MYO15A: variants seen among roughly 807,000 people sequenced by gnomAD.
MYO15A encodes the protein myosin XVA.
Under a neutral mutation model 394.6 loss-of-function variants are expected in MYO15A, and 308 were observed. That is an observed-to-expected ratio of 0.78 (90% CI 0.71 to 0.86). The LOEUF (loss-of-function observed/expected upper bound fraction) is 0.86, where lower values mean the gene tolerates loss of function less well. Ranked by LOEUF, MYO15A falls within the 40% of genes least tolerant of loss-of-function variation. The pLI is 0.00. For missense variants in MYO15A, 4,606 were observed against 4,799.1 expected, an observed-to-expected ratio of 0.96 and a Z score of 1.19; for synonymous variants, 1,957 against 2,003.8, an observed-to-expected ratio of 0.98 and a Z score of 0.62.
rs556857624 is a variant in MYO15A at position 18,126,408 on chromosome 17, C to T, written c.3818C>T (p.Pro1273Leu). 2.9e-5 allele frequency: 46 copies of T among 1,613,928 alleles called. No homozygotes were observed. The East Asian group carries it at 4.9e-4, about 17-fold the overall frequency. ...TACCAAATGTTTGGAATCTATGGGCCGGAGCAGGTGCAGCAGTACAACGGA... is the reference window on the plus strand; with the variant it reads ...TACCAAATGTTTGGAATCTATGGGCTGGAGCAGGTGCAGCAGTACAACGGA... Reference protein sequence around the residue: ...NPYQMFGIYGPEQVQQYNGRA... With the variant: ...NPYQMFGIYGLEQVQQYNGRA... Residue 1273 changes from proline to leucine, a missense_variant, in exon 5 of 66, where the codon CCG becomes CTG. This residue lies in a region of MYO15A where 2,776 missense variants were observed against 3,109.3 expected (regional missense o/e 0.89). Transcript: ENST00000647165.
At chr17:18,161,102 G>T in intron 56 of MYO15A, 1 of 706,642 alleles carries the variant, frequency 1.4e-6, no homozygotes, top group Non-Finnish European at 2.6e-6. Context: ...CCTACCTGGG[G>T]AAGATGTCTG....
At chr17:18,172,440 C>A in intron 64 of MYO15A, 150 bp downstream of exon 64, 1 of 1,198,988 alleles carries the variant, frequency 8.3e-7, no homozygotes, top group East Asian at 2.5e-5. Flanking sequence ...CTCCTCTGAG[C>A]CTTGCTTTCC....
intron 33 of MYO15A, 35 bp from the exon 34 acceptor site, chr17:18,149,180 TG>T: frequency 1.2e-6 from 2 of 1,612,940 alleles, no homozygotes; most frequent in Non-Finnish European, 1.7e-6. Flanking sequence ...GGGATCTCTC[TG>T]GGGGTCAGTA....
chr17:18,122,065 GC>G lies in MYO15A; in HGVS notation c.3270del (p.Leu1091TrpfsTer34). The G allele has an allele frequency of 3.1e-6, 5 of 1,612,850 alleles. No homozygotes were observed. Among genetic ancestry groups the G allele is most frequent in the Non-Finnish European group, 4.2e-6 (5 of 1,179,974 alleles). On this transcript the variant is annotated frameshift_variant, in exon 2 of 66. Coordinates refer to ENST00000647165, the MANE Select transcript of MYO15A (RefSeq NM_016239.4). LOFTEE classifies it high-confidence loss of function. The part of the protein sequence containing the change: ...HRWGTLPQAA[A>X]PLAPIRAPEP... The stretch of plus-strand genomic sequence containing the variant: ...CTGGGGAACACTGCCCCAAGCCGCA[GC>G]CCCCTTGGCGCCCATCAGGGCCCCA...
At position 18,143,557 on chromosome 17, in the gene MYO15A, C is replaced by T. The variant is rs1426070044; in HGVS notation, c.5911-9C>T. 1.9e-6 allele frequency: 3 copies of T among 1,554,320 alleles called. No individual in the cohort carries two copies. Among genetic ancestry groups the T allele is most frequent in the East Asian group, 2.4e-5 (1 of 41,408 alleles). ...GCCACTCCCCAACCTGACATCTTCTCTTCTGAAGCTGAGGGCAGAGTGGAG... is the reference window on the plus strand; with the variant it reads ...GCCACTCCCCAACCTGACATCTTCTTTTCTGAAGCTGAGGGCAGAGTGGAG... On this transcript the variant is annotated splice_polypyrimidine_tract_variant and intron_variant, in intron 25 of 65. Coordinates refer to ENST00000647165, the MANE Select transcript of MYO15A (RefSeq NM_016239.4).
In MYO15A at chr17:18,151,526, A is replaced by G. The variant is rs886052677; in HGVS notation, c.7786A>G (p.Arg2596Gly). ...CCGGGGAGGCCGGCCTGAGGCCCTCAGGTCAGCACTGCCCCTGCCCCCAGC... is the reference window on the plus strand; with the variant it reads ...CCGGGGAGGCCGGCCTGAGGCCCTCGGGTCAGCACTGCCCCTGCCCCCAGC... ...PFRGGRPEAL[R>G]KDGGKVFMKR... The change falls in exon 40 of 66, where the codon AGG becomes GGG. Residue 2596 changes from arginine (R) to glycine (G), a missense_variant and splice_region_variant. Arg to Gly is a moderately radical substitution (Grantham distance 125). This residue lies in a region of MYO15A where 2,776 missense variants were observed against 3,109.3 expected (regional missense o/e 0.89). Coordinates refer to ENST00000647165, the MANE Select transcript of MYO15A (RefSeq NM_016239.4). The G allele has an allele frequency of 3.1e-6, 5 of 1,613,942 alleles. No homozygotes were observed. The highest frequency in any genetic ancestry group is 4.2e-6 in the Non-Finnish European group (5 of 1,179,978).
rs377504192 is a variant in MYO15A at position 18,149,240 on chromosome 17, G to C, written c.6981G>C (p.Ser2327=). ...PKVVFGNSWD[S]DEDMSTRPQP... ...GGGTGTTTGGGAACAGCTGGGACTCGGATGAGGACATGTCCACTAGACCCC... is the reference window on the plus strand; with the variant it reads ...GGGTGTTTGGGAACAGCTGGGACTCCGATGAGGACATGTCCACTAGACCCC... The change falls in exon 34 of 66, where the codon TCG becomes TCC. Residue 2327 remains serine (S), a synonymous_variant. Coordinates refer to ENST00000647165, the MANE Select transcript of MYO15A (RefSeq NM_016239.4). 6 of 1,613,898 alleles carry C rather than the reference G, an allele frequency of 3.7e-6. No individual in the cohort carries two copies. The African/African-American group carries it at 8.0e-5, about 22-fold the overall frequency.
At position 18,162,639 on chromosome 17, in the gene MYO15A, G is replaced by T; in HGVS notation, c.9572G>T (p.Arg3191Leu). The T allele has an allele frequency of 6.2e-7, 1 of 1,614,046 alleles. No individual in the cohort carries two copies. The highest frequency in any genetic ancestry group is 1.1e-5 in the South Asian group (1 of 91,080). ...NLQKTLRFGGRLELPSSIELR... is the reference protein window; with the variant it reads ...NLQKTLRFGGLLELPSSIELR... The stretch of plus-strand genomic sequence containing the variant: ...CAGAAAACCTTGCGCTTCGGAGGTC[G>T]TCTGGAGCTCCCCAGCAGCATAGAG... The change falls in exon 58 of 66, where the codon CGT becomes CTT. Residue 3191 changes from arginine to leucine, a missense_variant. Physicochemically the swap from Arg to Leu is moderately radical, Grantham distance 102. Around this residue, in one of 2 missense-constraint regions of MYO15A, gnomAD observed 2,776 missense variants for 3,109.3 expected, o/e 0.89. Coordinates refer to ENST00000647165, the MANE Select transcript of MYO15A (RefSeq NM_016239.4).
rs756448115 is a variant in MYO15A, at chr17:18,127,145, A to C, written c.4012A>C (p.Lys1338Gln). The change falls in exon 7 of 66, where the codon AAA (lysine) becomes CAA (glutamine). Residue 1338 changes from lysine (K) to glutamine (Q), a missense_variant. Physicochemically the swap from Lys to Gln is moderately conservative, Grantham distance 53. Transcript: ENST00000647165. The part of the protein sequence containing the change: ...ILRYLAAMNQ[K>Q]REVMQQIKIL... ...GCGCTACCTGGCCGCCATGAACCAG[A>C]AACGGGAGGTCATGCAGCAGGTGAG... 9.3e-6 allele frequency: 15 copies of C among 1,613,730 alleles called. No individual in the cohort carries two copies. The South Asian group carries it at 1.5e-4, about 17-fold the overall frequency.
intron 8 of MYO15A, among the ~76,000 whole-genome samples, 185 bp downstream of exon 8, chr17:18,130,995 G>T (rs954485600): frequency 6.6e-6 from 1 of 151,972 alleles, no homozygotes; most frequent in Non-Finnish European, 1.5e-5. Flanking sequence ...GCTGTGGGGG[G>T]CCATGGAGGC....
In MYO15A at chr17:18,140,556, G is replaced by T; in HGVS notation, c.5251G>T (p.Ala1751Ser). Residue 1751 changes from alanine to serine, a missense_variant, in exon 20 of 66, where the codon GCC becomes TCC. Physicochemically the swap from Ala to Ser is moderately conservative, Grantham distance 99. This residue lies in a region of MYO15A where 2,776 missense variants were observed against 3,109.3 expected (regional missense o/e 0.89). Transcript: ENST00000647165. Reference protein sequence around the residue: ...HLFSSHAPQAAPQRLGKSSSV... With the variant: ...HLFSSHAPQASPQRLGKSSSV... ...CTTCTCCAGCCATGCCCCACAGGCTGCCCCTCAGCGCCTGGGCAAGAGCAG... is the reference window on the plus strand; with the variant it reads ...CTTCTCCAGCCATGCCCCACAGGCTTCCCCTCAGCGCCTGGGCAAGAGCAG... The T allele has an allele frequency of 6.2e-7, 1 of 1,613,638 alleles. No homozygotes were observed. Among genetic ancestry groups the T allele is most frequent in the Admixed American group, 1.7e-5 (1 of 60,032 alleles).
chr17:18,151,902 T>C lies in MYO15A; in HGVS notation c.7844T>C (p.Met2615Thr). 1 of 1,575,952 alleles carries C rather than the reference T, an allele frequency of 6.3e-7. No homozygotes were observed. Residue 2615 changes from methionine (M) to threonine (T), a missense_variant, in exon 41 of 66, where the codon ATG (methionine) becomes ACG (threonine). Physicochemically the swap from Met to Thr is moderately conservative, Grantham distance 81 (BLOSUM62 -1). Coordinates refer to ENST00000647165, the MANE Select transcript of MYO15A (RefSeq NM_016239.4). ...CCAGACCCTCATGAGGAGGCCCTGA[T>C]GATCCTGAAAGGGCAGATGACCCAC... ...KRPDPHEEAL[M>T]ILKGQMTHLA...
intron 2 of MYO15A, chr17:18,123,290 G>A (rs2045971941): frequency 6.6e-6 from 1 of 152,290 alleles, no homozygotes; most frequent in South Asian, 2.1e-4. Context: ...TGGCCCCGGC[G>A]GCGGATGCCC....
At position 18,119,306 on chromosome 17, in the gene MYO15A, C is replaced by T. The variant is rs767941041; in HGVS notation, c.506C>T (p.Ser169Phe). ...WLQRSSSRMG[S>F]RKLPFPSGAE... ...CAGCGCTCGAGCTCCCGCATGGGCT[C>T]CCGCAAACTCCCCTTCCCGTCGGGT... Residue 169 changes from serine (S) to phenylalanine (F), a missense_variant, in exon 2 of 66, where the codon TCC becomes TTC. Transcript: ENST00000647165. 3 of 1,610,916 alleles carry T rather than the reference C, an allele frequency of 1.9e-6. No homozygotes were observed. Among genetic ancestry groups the T allele is most frequent in the Admixed American group, 1.7e-5 (1 of 59,972 alleles).
chr17:18,157,717 C>T lies in MYO15A; in HGVS notation c.8789-5C>T. Reference sequence around the variant, plus strand: ...GTTTGCCTCAGACCTTTTACCCACCCCTAGGCTGGAGGTTCGGGACCATCC... The same window carrying T: ...GTTTGCCTCAGACCTTTTACCCACCTCTAGGCTGGAGGTTCGGGACCATCC... On this transcript the variant is annotated splice_polypyrimidine_tract_variant and splice_region_variant and intron_variant, in intron 50 of 65. Transcript: ENST00000647165. The T allele has an allele frequency of 6.2e-7, 1 of 1,605,458 alleles. No homozygotes were observed. The highest frequency in any genetic ancestry group is 1.1e-5 in the South Asian group (1 of 91,076).
chr17:18,143,632 C>G lies in MYO15A; in HGVS notation c.5964+13C>G. 1 of 1,567,594 alleles carries G rather than the reference C, an allele frequency of 6.4e-7. No individual in the cohort carries two copies. The highest frequency in any genetic ancestry group is 8.7e-7 in the Non-Finnish European group (1 of 1,155,818). On this transcript the variant is annotated intron_variant, in intron 26 of 65. Transcript: ENST00000647165. ...GTGGGAGCAGGAGGTGGGTGTGGGT[C>G]TGGGTGGCAGCAGGGCCAAGGAGGG... is the stretch of plus-strand genomic sequence containing the variant.
chr17:18,145,294 T>C (rs854776), intron 29 of MYO15A, among the ~76,000 whole-genome samples: 86,683 of 151,622 alleles, frequency 0.57, 25,750 homozygotes, highest in Middle Eastern at 0.62. Context: ...GGGCCAGGGG[T>C]GCAGGGAGGG....
At chr17:18,111,239 G>T (rs183469232) in intron 1 of MYO15A, among the ~76,000 whole-genome samples, 84 of 151,720 alleles carry the variant, frequency 5.5e-4, no homozygotes, top group Admixed American at 7.2e-4. Context: ...GGCAGCTGAG[G>T]TGGGAGGATT....
intron 65 of MYO15A, chr17:18,177,663 C>G (rs1304612933): frequency 6.6e-6 from 1 of 152,240 alleles, no homozygotes; most frequent in Non-Finnish European, 1.5e-5. Context: ...CACCACCTAC[C>G]AGTTGTGCAG....
Sources: allele counts gnomAD v4.1 joint callset (sites outside exome capture counted in the v4.1 genomes callset), GRCh38; gene constraint gnomAD v4.1.1; regional missense constraint gnomAD v4.1.1; transcripts MANE v1.5; gene names NCBI Gene and HGNC (gene_info 2026-07-23, HGNC 2026-07-21).